Variants in FUBP3 observed in about 807,000 individuals in gnomAD.
FUBP3 encodes the protein far upstream element-binding protein 3.
Under a neutral mutation model 85.6 loss-of-function variants are expected in FUBP3, and 28 were observed. The ratio of observed to expected loss-of-function variants is 0.33; its 90% CI spans 0.24 to 0.45. FUBP3 has a LOEUF of 0.45. FUBP3 is among the 20% of genes least tolerant of loss of function. FUBP3 has a pLI of 1.00. For synonymous variants in FUBP3, 271 were observed against 271.4 expected (o/e 1.00, Z 0.01); for missense variants, 583 against 755.1 (o/e 0.77, Z 2.67).
At position 130,632,038 on chromosome 9, in the gene FUBP3, T is replaced by G; in HGVS notation, c.1433+16T>G. ...CCCCTGTGAGGTAGGTGACCTGCTG[T>G]GACTCAGTTGGGGACAGACGGCACT... On this transcript the variant is annotated intron_variant, in intron 15 of 18. Transcript: ENST00000319725. 11 of 1,587,198 alleles carry G rather than the reference T, an allele frequency of 6.9e-6. No homozygotes were observed. Among genetic ancestry groups the G allele is most frequent in the African/African-American group, 1.3e-5 (1 of 74,562 alleles).
chr9:130,597,756 G>A (rs1412660557), intron 2 of FUBP3, among the ~76,000 whole-genome samples: 5 of 152,206 alleles, frequency 3.3e-5, no homozygotes, highest in Non-Finnish European at 7.3e-5. Flanking sequence ...GTGTAATCCT[G>A]TTATTTAAAC....
intron 16 of FUBP3, 84 bp downstream of exon 16, chr9:130,632,362 A>G (rs1291456792): frequency 9.4e-7 from 1 of 1,062,132 alleles, no homozygotes; most frequent in Non-Finnish European, 1.4e-6. Context: ...CCCTCGTTCA[A>G]CTCAGCCAGC....
At chr9:130,618,204 T>TGC (rs1414490182) in intron 8 of FUBP3, among the ~76,000 whole-genome samples, 1 of 152,244 alleles carries the variant, frequency 6.6e-6, no homozygotes, top group Non-Finnish European at 1.5e-5. Flanking sequence ...ACTGTGTGTG[T>TGC]GCAGAACATT....
At position 130,595,553 on chromosome 9, in the gene FUBP3, G is replaced by T. The variant is rs1314606405; in HGVS notation, c.155G>T (p.Gly52Val). 1 of 1,579,956 alleles carries T rather than the reference G, an allele frequency of 6.3e-7. No homozygotes were observed. Among genetic ancestry groups the T allele is most frequent in the South Asian group, 1.1e-5 (1 of 90,452 alleles). Reference sequence around the variant, plus strand: ...CCTCTAGTGGACCCCTCAGTATATGGATACGGAGTACAAAAACGGCCCTTG... The same window carrying T: ...CCTCTAGTGGACCCCTCAGTATATGTATACGGAGTACAAAAACGGCCCTTG... ...STPLVDPSVY[G>V]YGVQKRPLDD... Residue 52 changes from glycine (G) to valine (V), a missense_variant, in exon 2 of 19, where the codon GGA becomes GTA. By Grantham distance (109) the Gly-to-Val change is moderately radical. This residue lies in a region of FUBP3 where 177 missense variants were observed against 221.9 expected (regional missense o/e 0.80). Transcript: ENST00000319725.
intron 3 of FUBP3, among the ~76,000 whole-genome samples, chr9:130,611,208 C>A (rs1400563853): frequency 2.0e-5 from 3 of 152,172 alleles, no homozygotes; most frequent in Non-Finnish European, 4.4e-5. Context: ...ATAGACAGCT[C>A]ATGCTACACA....
chr9:130,630,300 C>T (rs144073515), intron 12 of FUBP3, among the ~76,000 whole-genome samples: 11 of 152,350 alleles, frequency 7.2e-5, no homozygotes, highest in African/African-American at 2.6e-4. Flanking sequence ...AGGGTGAGCT[C>T]CATGGTGTAG....
intron 2 of FUBP3, among the ~76,000 whole-genome samples, chr9:130,600,134 CCT>C (rs1322733808): frequency 4.6e-5 from 6 of 131,626 alleles, no homozygotes; most frequent in Non-Finnish European, 6.3e-5. Flanking sequence ...CCTCTTTCCC[CCT>C]CTTTTCCCTT....
At chr9:130,624,222 C>G (rs1246893929) in intron 11 of FUBP3, among the ~76,000 whole-genome samples, 1 of 152,190 alleles carries the variant, frequency 6.6e-6, no homozygotes, top group Non-Finnish European at 1.5e-5. Flanking sequence ...AAGAATAAAG[C>G]AAGAGATTGG....
At chr9:130,636,618 A>G (rs868768888) in intron 18 of FUBP3, among the ~76,000 whole-genome samples, 13 of 152,250 alleles carry the variant, frequency 8.5e-5, no homozygotes, top group Non-Finnish European at 1.6e-4. Flanking sequence ...TTCTGTTCAG[A>G]GGCCAAAAAC....
Position 130,617,801 on chromosome 9 carries a change from G to A in FUBP3, c.572G>A (p.Arg191Gln), listed in dbSNP as rs903333957. The change falls in exon 8 of 19, where the codon CGG (arginine) becomes CAG (glutamine). Residue 191 changes from arginine to glutamine, a missense_variant. Physicochemically the swap from Arg to Gln is conservative, Grantham distance 43 (BLOSUM62 1). Coordinates refer to ENST00000319725, the MANE Select transcript of FUBP3 (RefSeq NM_003934.2). ...GCTGGTGTGTGTTCCCCACAGGAGC[G>A]GACAGGGGTGAAGATGGTCATGATC... Reference protein sequence around the residue: ...GGETIKQLQERTGVKMVMIQD... With the variant: ...GGETIKQLQEQTGVKMVMIQD... The A allele has an allele frequency of 6.3e-6, 10 of 1,584,938 alleles. No homozygotes were observed. The East Asian group carries it at 6.7e-5, about 11-fold the overall frequency.
chr9:130,637,778 CT>C lies in FUBP3; in HGVS notation c.*759del, dbSNP rs916880173. 1 of 152,436 alleles carries C rather than the reference CT, an allele frequency of 6.6e-6. No individual in the cohort carries two copies. Among genetic ancestry groups the C allele is most frequent in the Non-Finnish European group, 1.5e-5 (1 of 68,008 alleles). 9.4% of individuals were successfully genotyped at this position (152,436 alleles called of 1,614,324 possible). ...TTGTTTTTAAAACAAAACAAAAAAC[CT>C]TTCTCTATTATCTCAGAAATATAAA... is the stretch of plus-strand genomic sequence containing the variant. On this transcript the variant is annotated 3_prime_UTR_variant, in exon 19 of 19. Coordinates refer to ENST00000319725, the MANE Select transcript of FUBP3 (RefSeq NM_003934.2).
chr9:130,634,076 T>C (rs1316652567), intron 16 of FUBP3, among the ~76,000 whole-genome samples: 5 of 152,174 alleles, frequency 3.3e-5, no homozygotes, highest in African/African-American at 1.2e-4. Flanking sequence ...CCATGCTGGC[T>C]GTTTCTCCGC....
intron 1 of FUBP3, among the ~76,000 whole-genome samples, chr9:130,592,904 TGCCCA>T (rs2119021012): frequency 6.6e-6 from 1 of 152,272 alleles, no homozygotes; most frequent in South Asian, 2.1e-4. Flanking sequence ...TTGCAGTAGC[TGCCCA>T]TCAGCCTTCC....
At chr9:130,611,818 G>A (rs1019255537) in intron 3 of FUBP3, among the ~76,000 whole-genome samples, 4 of 143,066 alleles carry the variant, frequency 2.8e-5, no homozygotes, top group African/African-American at 1.1e-4. Flanking sequence ...AAAAAAAAAA[G>A]GCACATAATG....
At position 130,620,934 on chromosome 9, in the gene FUBP3, A is replaced by G. The variant is rs964023473; in HGVS notation, c.771+476A>G. On this transcript the variant is annotated intron_variant, in intron 9 of 18. Transcript: ENST00000319725. ...TTGTACGATTCCACTTATCTGAGGCACCTAGAAGAGGCAGATGCATACAGG... is the reference window on the plus strand; with the variant it reads ...TTGTACGATTCCACTTATCTGAGGCGCCTAGAAGAGGCAGATGCATACAGG... Among the ~76,000 whole-genome samples the G allele has an allele frequency of 3.3e-5, 5 of 152,212 alleles. No individual in the cohort carries two copies. In the South Asian group the frequency reaches 6.2e-4, roughly 19 times the overall value.
Position 130,635,952 on chromosome 9 carries a change from G to A in FUBP3, c.1583-47G>A. 6.3e-7 allele frequency: 1 copy of A among 1,597,620 alleles called. No homozygotes were observed. Among genetic ancestry groups the A allele is most frequent in the East Asian group, 2.2e-5 (1 of 44,810 alleles). ...GGGCCTTTGGGAAGGGTCCTGCCCA[G>A]TGCACCTCCGCTCCCGATAACCTGT... On this transcript the variant is annotated intron_variant, in intron 17 of 18. Transcript: ENST00000319725. This position sits in a 1 kb window ranked among gnomAD's most constrained non-coding sequence, Gnocchi z 4.3.
At chr9:130,593,217 C>A (rs1830712285) in intron 1 of FUBP3, among the ~76,000 whole-genome samples, 1 of 152,202 alleles carries the variant, frequency 6.6e-6, no homozygotes, top group African/African-American at 2.4e-5. Flanking sequence ...GTGACATTAT[C>A]TTCTCTTACT....
rs553086340 is a variant in FUBP3 at position 130,601,053 on chromosome 9, A to G, written c.190+5465A>G. ...ATTGGAGTTCAAAAACAGCTGTAGCATCTACATAAACAAAGAGCATGGCTG... is the reference window on the plus strand; with the variant it reads ...ATTGGAGTTCAAAAACAGCTGTAGCGTCTACATAAACAAAGAGCATGGCTG... On this transcript the variant is annotated intron_variant, in intron 2 of 18. Coordinates refer to ENST00000319725, the MANE Select transcript of FUBP3 (RefSeq NM_003934.2). Among the ~76,000 whole-genome samples the G allele has an allele frequency of 2.6e-5, 4 of 152,346 alleles. No homozygotes were observed. In the East Asian group the frequency reaches 7.7e-4, roughly 29 times the overall value.
At chr9:130,595,140 C>T (rs1196502477) in intron 1 of FUBP3, among the ~76,000 whole-genome samples, 8 of 149,950 alleles carry the variant, frequency 5.3e-5, no homozygotes, top group Non-Finnish European at 8.8e-5. Flanking sequence ...ACAGGAGAAT[C>T]GCTTGAACCC....
Sources: gnomAD v4.1 joint callset for allele counts (sites outside exome capture counted in the v4.1 genomes callset) on GRCh38, gnomAD v4.1.1 for gene constraint, gnomAD v4.1.1 regional missense constraint, Gnocchi (gnomAD v3.1) non-coding constraint, MANE v1.5 for transcripts, NCBI Gene and HGNC (gene_info 2026-07-23, HGNC 2026-07-21) for gene names.